UTP20: variants seen among roughly 807,000 people sequenced by gnomAD.
The protein encoded by UTP20 is small subunit processome component 20 homolog.
Under a neutral mutation model 329.5 loss-of-function variants are expected in UTP20, and 164 were observed. The observed-to-expected ratio is 0.50, with a 90% CI of 0.44 to 0.57. UTP20 has a LOEUF of 0.57. UTP20 is among the 20% of genes least tolerant of loss of function. UTP20 has a pLI of 0.00. For missense variants in UTP20, 3,055 were observed against 3,284.2 expected (o/e 0.93, Z 1.71); for synonymous variants, 1,151 against 1,159.3 (o/e 0.99, Z 0.14).
At chr12:101,281,249 C>A in intron 2 of UTP20, 53 bp downstream of exon 2, 1 of 1,469,426 alleles carries the variant, frequency 6.8e-7, no homozygotes, top group Non-Finnish European at 9.5e-7. Flanking sequence ...GTTTTAGTTT[C>A]TTCTGTTAGT....
Position 101,333,864 on chromosome 12 carries a change from ATGT to A in UTP20, c.3561+423_3561+425del, listed in dbSNP as rs1408375851. Among the ~76,000 whole-genome samples, 3 of 152,340 alleles carry A rather than the reference ATGT, an allele frequency of 2.0e-5. No individual in the cohort carries two copies. In the East Asian group the frequency reaches 5.8e-4, roughly 29 times the overall value. On this transcript the variant is annotated intron_variant, in intron 28 of 61. Coordinates refer to ENST00000261637, the MANE Select transcript of UTP20 (RefSeq NM_014503.3). ...TTTTTAGTAGAGATGGAGTTTCGCC[ATGT>A]TGGCCAGGCTGGTCTTGAACTCCTG...
At chr12:101,328,998 C>T (rs1868662161) in intron 26 of UTP20, among the ~76,000 whole-genome samples, 1 of 152,086 alleles carries the variant, frequency 6.6e-6, no homozygotes, top group African/African-American at 2.4e-5. Context: ...TTCTTACCCT[C>T]TTATTCCTTA....
chr12:101,375,963 G>GT, intron 56 of UTP20, among the ~76,000 whole-genome samples: 1 of 152,166 alleles, frequency 6.6e-6, no homozygotes, highest in African/African-American at 2.4e-5. Context: ...GATTTCATAA[G>GT]TAATACCTTT....
intron 48 of UTP20, among the ~76,000 whole-genome samples, chr12:101,368,435 GATT>G (rs944421771): frequency 2.0e-5 from 3 of 152,032 alleles, no homozygotes; most frequent in African/African-American, 7.2e-5. Flanking sequence ...GCCCGGCCGA[GATT>G]ATTGAGTTTT....
Position 101,308,221 on chromosome 12 carries a change from A to G in UTP20, c.2032A>G (p.Ile678Val), listed in dbSNP as rs781367733. 3.8e-5 allele frequency: 62 copies of G among 1,612,660 alleles called. No homozygotes were observed. Among genetic ancestry groups the G allele is most frequent in the Non-Finnish European group, 5.2e-5 (61 of 1,179,418 alleles). The change falls in exon 18 of 62, where the codon ATA (isoleucine) becomes GTA (valine). Residue 678 changes from isoleucine (I) to valine (V), a missense_variant. Ile to Val is a conservative substitution (Grantham distance 29). Transcript: ENST00000261637. ...CTCAGAGCGGCAGTCTGTCTTTGCT[A>G]TATTACGCCAGGCAGAACTTGTTCC... ...GLSERQSVFA[I>V]LRQAELVPAT...
chr12:101,309,772 C>T lies in UTP20; in HGVS notation c.2164C>T (p.Arg722Cys), dbSNP rs1194106783. The T allele has an allele frequency of 3.7e-6, 6 of 1,613,440 alleles. No individual in the cohort carries two copies. The Admixed American group carries it at 5.0e-5, about 13-fold the overall frequency. The change falls in exon 19 of 62, where the codon CGT (arginine) becomes TGT (cysteine). Residue 722 changes from arginine (R) to cysteine (C), a missense_variant. Arg to Cys is a radical substitution (Grantham distance 180, BLOSUM62 -3). Coordinates refer to ENST00000261637, the MANE Select transcript of UTP20 (RefSeq NM_014503.3). ...PDGPLQEVPL[R>C]YLLGMLYINF... ...TCTTTTGTAATTGCAGGTGCCGCTT[C>T]GTTATTTGTTAGGCATGCTATATAT...
intron 27 of UTP20, among the ~76,000 whole-genome samples, chr12:101,332,936 A>T (rs963137877): frequency 1.2e-4 from 18 of 152,122 alleles, no homozygotes; most frequent in Non-Finnish European, 2.1e-4. Context: ...AAAAAATTTT[A>T]AAAAAAAGTT....
intron 27 of UTP20, among the ~76,000 whole-genome samples, chr12:101,332,500 C>A (rs544671531): frequency 4.6e-5 from 7 of 152,328 alleles, no homozygotes; most frequent in African/African-American, 1.7e-4. Context: ...TTGTCCTACT[C>A]TGAGCCTGAA....
chr12:101,378,827 C>A (rs1870555873), intron 56 of UTP20, among the ~76,000 whole-genome samples: 1 of 152,158 alleles, frequency 6.6e-6, no homozygotes, highest in Non-Finnish European at 1.5e-5. Context: ...GTTTATACCC[C>A]ATTAGAGTCA....
intron 45 of UTP20, 101 bp downstream of exon 45, chr12:101,363,844 C>T (rs1289722206): frequency 1.3e-6 from 1 of 778,160 alleles, no homozygotes; most frequent in Non-Finnish European, 2.1e-6. Flanking sequence ...CTTGATCACC[C>T]ATGATTTCCT....
In UTP20 at chr12:101,383,124, A is replaced by G; in HGVS notation, c.7740A>G (p.Glu2580=). ...YCEDKQSKIK[E]DLEEQEALED... ...AGGATAAGCAAAGTAAGATAAAAGAAGACCTGGAAGAACAAGAAGCTTTAG... is the reference window on the plus strand; with the variant it reads ...AGGATAAGCAAAGTAAGATAAAAGAGGACCTGGAAGAACAAGAAGCTTTAG... Residue 2580 remains glutamate (E), a synonymous_variant, in exon 59 of 62, where the codon GAA becomes GAG. Coordinates refer to ENST00000261637, the MANE Select transcript of UTP20 (RefSeq NM_014503.3). The G allele has an allele frequency of 1.2e-6, 2 of 1,614,052 alleles. No homozygotes were observed. Among genetic ancestry groups the G allele is most frequent in the Non-Finnish European group, 1.7e-6 (2 of 1,179,924 alleles).
chr12:101,367,105 C>A (rs1870120081), intron 47 of UTP20, among the ~76,000 whole-genome samples: 1 of 151,874 alleles, frequency 6.6e-6, no homozygotes, highest in African/African-American at 2.4e-5. Context: ...CATAGCAAGA[C>A]TCTATCTCTA....
At chr12:101,315,338 G>T (rs1331988737) in intron 21 of UTP20, among the ~76,000 whole-genome samples, 2 of 151,910 alleles carry the variant, frequency 1.3e-5, no homozygotes, top group Admixed American at 6.6e-5. Flanking sequence ...ACAAAAATTA[G>T]CCGGGCCTGG....
chr12:101,318,469 A>C (rs1466670449), intron 22 of UTP20, among the ~76,000 whole-genome samples: 1 of 152,190 alleles, frequency 6.6e-6, no homozygotes, highest in African/African-American at 2.4e-5. Flanking sequence ...GCAATGCAGG[A>C]GTCATAGTCA....
chr12:101,323,446 G>A (rs1027664131), intron 25 of UTP20, among the ~76,000 whole-genome samples: 1 of 152,154 alleles, frequency 6.6e-6, no homozygotes, highest in African/African-American at 2.4e-5. Flanking sequence ...CCTACCAGCA[G>A]TAGGATGCCT....
chr12:101,370,594 G>A (rs756955538), intron 50 of UTP20, 31 bp downstream of exon 50: 70 of 1,596,766 alleles, frequency 4.4e-5, no homozygotes, highest in Middle Eastern at 1.7e-4. Context: ...TGACTGTTAC[G>A]GTTTATGAGT....
Position 101,302,444 on chromosome 12 carries a change from T to A in UTP20, c.1676-4T>A. 6.3e-7 allele frequency: 1 copy of A among 1,583,324 alleles called. No individual in the cohort carries two copies. Among genetic ancestry groups the A allele is most frequent in the South Asian group, 1.1e-5 (1 of 87,008 alleles). ...TGTGGTTTCTCCTGTTTTTCTGCCCTTAGGAAACTTATTTGTTCTTTGTCA... is the reference window on the plus strand; with the variant it reads ...TGTGGTTTCTCCTGTTTTTCTGCCCATAGGAAACTTATTTGTTCTTTGTCA... On this transcript the variant is annotated splice_polypyrimidine_tract_variant and splice_region_variant and intron_variant, in intron 14 of 61. Transcript: ENST00000261637.
chr12:101,294,885 C>T (rs1392120954), intron 11 of UTP20, among the ~76,000 whole-genome samples: 2 of 152,198 alleles, frequency 1.3e-5, no homozygotes, highest in Admixed American at 6.5e-5. Flanking sequence ...TCTTTAAAAA[C>T]TGGAAATTGT....
At chr12:101,373,307 T>G in intron 52 of UTP20, 94 bp from the exon 53 acceptor site, 1 of 1,248,592 alleles carries the variant, frequency 8.0e-7, no homozygotes, top group Non-Finnish European at 1.1e-6. Context: ...TTTTAAGAAG[T>G]AAACTGACAC....
Sources: gnomAD v4.1 joint callset for allele counts (sites outside exome capture counted in the v4.1 genomes callset) on GRCh38, gnomAD v4.1.1 for gene constraint, MANE v1.5 for transcripts, NCBI Gene and HGNC (gene_info 2026-07-23, HGNC 2026-07-21) for gene names.